ZNF331: variants seen among roughly 807,000 people sequenced by gnomAD.
ZNF331 encodes the protein C2H2-like zinc finger protein rearranged in thyroid adenomas.
Under a neutral mutation model 7.0 loss-of-function variants are expected in ZNF331, and 2 were observed. The ratio of observed to expected loss-of-function variants is 0.29; its 90% CI spans 0.12 to 0.90. The LOEUF is 0.90. ZNF331 is among the 40% of genes least tolerant of loss of function. The pLI is 0.58. For synonymous variants in ZNF331, 196 were observed against 205.4 expected, an observed-to-expected ratio of 0.95 and a Z score of 0.39; for missense variants, 432 against 587.7, an observed-to-expected ratio of 0.74 and a Z score of 2.74.
At position 53,571,743 on chromosome 19, in the gene ZNF331, C is replaced by T; in HGVS notation, c.136+13C>T. 1 of 1,597,724 alleles carries T rather than the reference C, an allele frequency of 6.3e-7. No homozygotes were observed. Among genetic ancestry groups the T allele is most frequent in the African/African-American group, 1.3e-5 (1 of 74,384 alleles). ...TTGGTCTCACTGGGTGAGTTGCACG[C>T]CTCAGATAACTTAGACTGCCTCCTG... On this transcript the variant is annotated intron_variant, in intron 5 of 5. Coordinates refer to ENST00000449416, the MANE Select transcript of ZNF331 (RefSeq NM_001079906.2). The surrounding 1 kb of genome is among the most constrained non-coding windows in gnomAD (Gnocchi z 4.7).
chr19:53,576,621 G>A (rs905084517), intron 5 of ZNF331, 76 bp from the exon 6 acceptor site: 14 of 1,276,058 alleles, frequency 1.1e-5, no homozygotes, highest in Middle Eastern at 2.7e-4. Flanking sequence ...TCTATTAGAC[G>A]AGTTTTTGGT....
intron 2 of ZNF331, among the ~76,000 whole-genome samples, chr19:53,532,519 C>G: frequency 6.6e-6 from 1 of 151,704 alleles, no homozygotes; most frequent in East Asian, 1.9e-4. Flanking sequence ...TTTTTGTTTC[C>G]CCCTGGGGTA....
chr19:53,549,940 G>A (rs1453135731), intron 2 of ZNF331, among the ~76,000 whole-genome samples: 1 of 152,104 alleles, frequency 6.6e-6, no homozygotes, highest in African/African-American at 2.4e-5. Context: ...AGGATGTTGT[G>A]TTTACATTTA....
chr19:53,503,449 T>A, the ZNF331 span: 1 of 626,484 alleles, frequency 1.6e-6, no homozygotes, highest in Non-Finnish European at 2.9e-6. Context: ...GTACTTGGAA[T>A]CCTGGGGATT....
chr19:53,567,235 A>T (rs1437763562), intron 3 of ZNF331, among the ~76,000 whole-genome samples: 2 of 152,162 alleles, frequency 1.3e-5, no homozygotes, highest in African/African-American at 4.8e-5. Context: ...CAAAAAAAAC[A>T]GTTCTGTATA....
At chr19:53,541,778 G>A (rs1289720708) in intron 2 of ZNF331, among the ~76,000 whole-genome samples, 1 of 152,132 alleles carries the variant, frequency 6.6e-6, no homozygotes, top group Non-Finnish European at 1.5e-5. Flanking sequence ...AGGCCAAAGC[G>A]GGATGATCAC....
chr19:53,524,319 G>C (rs577480862), intron 2 of ZNF331, among the ~76,000 whole-genome samples: 1 of 152,170 alleles, frequency 6.6e-6, no homozygotes, highest in Non-Finnish European at 1.5e-5. Flanking sequence ...TCTAGTTCTA[G>C]ATTCTTGAGG....
chr19:53,553,896 C>A (rs931888739), intron 2 of ZNF331, among the ~76,000 whole-genome samples: 2 of 152,160 alleles, frequency 1.3e-5, no homozygotes, highest in African/African-American at 4.8e-5. Flanking sequence ...CTCTCCCAGC[C>A]GGGAACGGGC....
Position 53,577,983 on chromosome 19 carries a change from A to G in ZNF331, c.*31A>G. On this transcript the variant is annotated 3_prime_UTR_variant, in exon 6 of 6. Transcript: ENST00000449416. ...CTTTTGAACGCAGTAGCCCGCTCGT[A>G]TCTATGGTTTCGCTTTCCACAGTTT... 1 of 1,570,386 alleles carries G rather than the reference A, an allele frequency of 6.4e-7. No homozygotes were observed. The highest frequency in any genetic ancestry group is 8.7e-7 in the Non-Finnish European group (1 of 1,155,774).
chr19:53,545,121 CA>C (rs1196181447), intron 2 of ZNF331, among the ~76,000 whole-genome samples: 2 of 152,176 alleles, frequency 1.3e-5, no homozygotes, highest in African/African-American at 4.8e-5. Context: ...TGTGAATCTA[CA>C]GTTATCTCAG....
At chr19:53,543,598 A>G (rs1252054661) in intron 2 of ZNF331, among the ~76,000 whole-genome samples, 1 of 152,208 alleles carries the variant, frequency 6.6e-6, no homozygotes, top group East Asian at 1.9e-4. Context: ...TAAAAACTAT[A>G]AAAAGAAAAA....
Position 53,571,094 on chromosome 19 carries a change from C to T in ZNF331, c.10-510C>T, listed in dbSNP as rs1310360820. ...CAGGATGGTCTCGATCTCCTGACCT[C>T]GTGATCCGCCTGCCTTGTTCTCGTG... On this transcript the variant is annotated intron_variant, in intron 4 of 5. Coordinates refer to ENST00000449416, the MANE Select transcript of ZNF331 (RefSeq NM_001079906.2). The surrounding 1 kb of genome is among the most constrained non-coding windows in gnomAD (Gnocchi z 4.7). Among the ~76,000 whole-genome samples, 10 of 151,196 alleles carry T rather than the reference C, an allele frequency of 6.6e-5. No homozygotes were observed. Among genetic ancestry groups the T allele is most frequent in the Non-Finnish European group, 1.3e-4 (9 of 67,842 alleles).
chr19:53,504,875 A>G, the ZNF331 span, among the ~76,000 whole-genome samples: 1 of 152,206 alleles, frequency 6.6e-6, no homozygotes, highest in Non-Finnish European at 1.5e-5. Context: ...GGCTTTCTGG[A>G]ACAAGCAGCA....
In ZNF331 at chr19:53,571,161, G is replaced by A. The variant is rs374468985; in HGVS notation, c.10-443G>A. Among the ~76,000 whole-genome samples the A allele has an allele frequency of 2.5e-3, 383 of 152,214 alleles. No individual in the cohort carries two copies. The highest frequency in any genetic ancestry group is 4.3e-3 in the Non-Finnish European group (292 of 68,024). ...CTCCCAAAGTGTTGGGATTACAGGC[G>A]TGAGCCCCCCGCCCAGCCCCAGCAA... On this transcript the variant is annotated intron_variant, in intron 4 of 5. Transcript: ENST00000449416. This position sits in a 1 kb window ranked among gnomAD's most constrained non-coding sequence, Gnocchi z 4.7.
chr19:53,506,456 C>A, the ZNF331 span, among the ~76,000 whole-genome samples: 1 of 102,030 alleles, frequency 9.8e-6, no homozygotes, highest in Non-Finnish European at 1.9e-5. Context: ...CTCTCTCTCT[C>A]TCTCTCTCTC....
Position 53,560,177 on chromosome 19 carries a change from C to G in ZNF331, c.-74+4269C>G, listed in dbSNP as rs1051181641. Among the ~76,000 whole-genome samples the G allele has an allele frequency of 6.6e-6, 1 of 150,570 alleles. No homozygotes were observed. The highest frequency in any genetic ancestry group is 2.1e-4 in the South Asian group (1 of 4,794). ...TACACATCCACACCATATATACACACACCATACACACACATATATACACAC... is the reference window on the plus strand; with the variant it reads ...TACACATCCACACCATATATACACAGACCATACACACACATATATACACAC... On this transcript the variant is annotated intron_variant, in intron 3 of 5. Transcript: ENST00000449416. The surrounding 1 kb of genome is among the most constrained non-coding windows in gnomAD (Gnocchi z 4.3).
At chr19:53,519,738 C>T (rs1463891392), upstream of ZNF331, among the ~76,000 whole-genome samples, 1 of 152,192 alleles carries the variant, frequency 6.6e-6, no homozygotes, top group East Asian at 1.9e-4. Flanking sequence ...CCTGCCCTTA[C>T]AGAGAGAGCC....
At chr19:53,562,588 G>A (rs879327323) in intron 3 of ZNF331, among the ~76,000 whole-genome samples, 3 of 151,480 alleles carry the variant, frequency 2.0e-5, no homozygotes, top group Non-Finnish European at 4.4e-5. Flanking sequence ...TTCTTGGGAG[G>A]CTGAGGTAGG....
At chr19:53,519,757 G>A (rs1275149677), upstream of ZNF331, among the ~76,000 whole-genome samples, 1 of 152,086 alleles carries the variant, frequency 6.6e-6, no homozygotes, top group Admixed American at 6.5e-5. Context: ...CCTTGGCACA[G>A]ACCCAGTCAG....
Sources: allele counts gnomAD v4.1 joint callset (sites outside exome capture counted in the v4.1 genomes callset), GRCh38; gene constraint gnomAD v4.1.1; non-coding constraint Gnocchi (gnomAD v3.1); transcripts MANE v1.5; gene names NCBI Gene and HGNC (gene_info 2026-07-23, HGNC 2026-07-21).